The following RSPH14 variants were observed in gnomAD, a reference collection of about 807,000 sequenced individuals.
RSPH14 encodes the protein radial spoke head 14 homolog.
In RSPH14, 20 loss-of-function variants were observed where a neutral mutation model predicts 26.7. That is an observed-to-expected ratio of 0.75 (90% CI 0.53 to 1.09). The LOEUF (loss-of-function observed/expected upper bound fraction) is 1.09, where lower values mean the gene tolerates loss of function less well. Among genes scored for constraint, RSPH14 ranks in the 50% least tolerant of loss-of-function variants. RSPH14 has a pLI of 0.00. For missense variants in RSPH14, 449 were observed against 457.2 expected, an observed-to-expected ratio of 0.98 and a Z score of 0.16; for synonymous variants, 177 against 189.3, an observed-to-expected ratio of 0.93 and a Z score of 0.53.
At chr22:23,142,080 G>T, upstream of RSPH14, 1 of 977,166 alleles carries the variant, frequency 1.0e-6, no homozygotes, top group Non-Finnish European at 1.2e-6. Flanking sequence ...AGCACCCACT[G>T]CGCAGGCGCA....
At chr22:23,144,623 C>A (rs993542757), upstream of RSPH14, among the ~76,000 whole-genome samples, 10 of 150,468 alleles carry the variant, frequency 6.6e-5, no homozygotes, top group Non-Finnish European at 8.9e-5. Flanking sequence ...GAGGCTGAGG[C>A]GGGAGGATTC....
chr22:23,131,745 AC>A, intron 4 of RSPH14: 2 of 719,108 alleles, frequency 2.8e-6, no homozygotes, highest in Non-Finnish European at 4.4e-6. Flanking sequence ...TCACCCTAAT[AC>A]CCCAGGGGCT....
intron 4 of RSPH14, among the ~76,000 whole-genome samples, chr22:23,114,523 G>A (rs982168812): frequency 3.3e-5 from 5 of 151,640 alleles, no homozygotes; most frequent in South Asian, 2.1e-4. Context: ...ATTACCCCTC[G>A]CCCCCTGCAT....
At chr22:23,077,554 G>C (rs1054117521) in intron 4 of RSPH14, among the ~76,000 whole-genome samples, 1 of 152,180 alleles carries the variant, frequency 6.6e-6, no homozygotes, top group Non-Finnish European at 1.5e-5. Context: ...ACGGAAACAA[G>C]GTGCTAAACC....
chr22:23,114,682 T>C (rs2069769447), intron 4 of RSPH14, among the ~76,000 whole-genome samples: 1 of 152,222 alleles, frequency 6.6e-6, no homozygotes, highest in Non-Finnish European at 1.5e-5. Context: ...GAGGGAAGTA[T>C]GCTTACATAT....
chr22:23,103,509 G>A (rs1302808044), intron 4 of RSPH14, among the ~76,000 whole-genome samples: 1 of 152,168 alleles, frequency 6.6e-6, no homozygotes, highest in African/African-American at 2.4e-5. Flanking sequence ...TGGCCGCGTG[G>A]GTTGCATCTG....
intron 4 of RSPH14, among the ~76,000 whole-genome samples, chr22:23,077,613 AG>A (rs1036950588): frequency 6.6e-6 from 1 of 151,846 alleles, no homozygotes; most frequent in African/African-American, 2.4e-5. Flanking sequence ...GCAAGGGAGG[AG>A]GGGGCAAGGT....
chr22:23,146,822 G>A, upstream of RSPH14: 1 of 1,411,402 alleles, frequency 7.1e-7, no homozygotes, highest in South Asian at 1.5e-5. Flanking sequence ...TGAGGAGCTG[G>A]GAGACTGGTC....
chr22:23,158,134 C>T, the RSPH14 span: 4 of 1,568,004 alleles, frequency 2.6e-6, no homozygotes, highest in South Asian at 3.5e-5. Flanking sequence ...GACCCTGACC[C>T]CGTGGTGGGT....
intron 4 of RSPH14, chr22:23,123,024 A>C: frequency 9.3e-7 from 1 of 1,071,920 alleles, no homozygotes; most frequent in Admixed American, 1.8e-5. Flanking sequence ...GCAGGGCTGC[A>C]GGTCTAGGGT....
chr22:23,133,451 C>T lies in RSPH14; in HGVS notation c.421+575G>A, dbSNP rs561285852. Among the ~76,000 whole-genome samples the T allele has an allele frequency of 5.7e-4, 87 of 152,210 alleles. No individual in the cohort carries two copies. In the South Asian group the frequency reaches 0.015, roughly 27 times the overall value. On this transcript the variant is annotated intron_variant, in intron 4 of 6. Coordinates refer to ENST00000216036, the MANE Select transcript of RSPH14 (RefSeq NM_014433.3). ...CATTTATCATTGGTAAGGGTAATAC[C>T]CAGTATGGGCATGTGGGAAGTTTCT... is the stretch of plus-strand genomic sequence containing the variant.
intron 4 of RSPH14, among the ~76,000 whole-genome samples, chr22:23,116,776 G>A (rs886335526): frequency 9.2e-5 from 14 of 152,344 alleles, no homozygotes; most frequent in African/African-American, 3.1e-4. Flanking sequence ...GTGAGTGCCT[G>A]ATGGGGAAGG....
At chr22:23,127,731 C>A (rs756632) in intron 4 of RSPH14, among the ~76,000 whole-genome samples, 1 of 152,104 alleles carries the variant, frequency 6.6e-6, no homozygotes. Flanking sequence ...TAGCTGTAGA[C>A]CCCCAGATTT....
At chr22:23,091,919 G>A (rs1323309612) in intron 4 of RSPH14, among the ~76,000 whole-genome samples, 1 of 152,034 alleles carries the variant, frequency 6.6e-6, no homozygotes, top group Non-Finnish European at 1.5e-5. Flanking sequence ...TTTGTGTTAG[G>A]GATGGTTTGT....
chr22:23,127,205 C>T (rs968117459), intron 4 of RSPH14, among the ~76,000 whole-genome samples: 7 of 152,234 alleles, frequency 4.6e-5, no homozygotes, highest in Non-Finnish European at 8.8e-5. Flanking sequence ...AAGGGCTGCA[C>T]TGCACCATGA....
At chr22:23,070,114 C>G (rs976519164) in intron 4 of RSPH14, among the ~76,000 whole-genome samples, 92 of 152,100 alleles carry the variant, frequency 6.0e-4, no homozygotes, top group Non-Finnish European at 1.1e-3. Context: ...GGGACTGCGG[C>G]GCGCGCGGAG....
chr22:23,086,516 G>A (rs2068824702), intron 4 of RSPH14, among the ~76,000 whole-genome samples: 1 of 152,180 alleles, frequency 6.6e-6, no homozygotes, highest in Non-Finnish European at 1.5e-5. Context: ...CCTCCCAGTG[G>A]CCTCAGCCAC....
chr22:23,155,783 C>T, the RSPH14 span, among the ~76,000 whole-genome samples: 1 of 152,158 alleles, frequency 6.6e-6, no homozygotes, highest in East Asian at 1.9e-4. Flanking sequence ...CTGGGGGCAC[C>T]CTAGGAAGAG....
At chr22:23,168,042 G>C in the RSPH14 span, among the ~76,000 whole-genome samples, 1 of 152,074 alleles carries the variant, frequency 6.6e-6, no homozygotes, top group Non-Finnish European at 1.5e-5. Flanking sequence ...ATTTCACAGA[G>C]ATAGGGTCTG....
Sources: gnomAD v4.1 joint callset for allele counts (sites outside exome capture counted in the v4.1 genomes callset) on GRCh38, gnomAD v4.1.1 for gene constraint, MANE v1.5 for transcripts, NCBI Gene and HGNC (gene_info 2026-07-23, HGNC 2026-07-21) for gene names.